The following PJA2 variants were observed in gnomAD, a reference collection of about 807,000 sequenced individuals.
PJA2 encodes praja ring finger ubiquitin ligase 2.
Under a neutral mutation model 69.3 loss-of-function variants are expected in PJA2, and 25 were observed. That is an observed-to-expected ratio of 0.36 (90% CI 0.26 to 0.50). PJA2 has a LOEUF of 0.50. PJA2 is among the 20% of genes least tolerant of loss of function. The pLI is 0.96. For missense variants in PJA2, 809 were observed against 830.2 expected (o/e 0.97, Z 0.31); for synonymous variants, 308 against 277.8 (o/e 1.11, Z -1.08).
chr5:109,406,755 T>C (rs1443560574), intron 1 of PJA2, among the ~76,000 whole-genome samples: 2 of 152,216 alleles, frequency 1.3e-5, no homozygotes, highest in East Asian at 1.9e-4. Flanking sequence ...ATGAAGGCTA[T>C]TTATTAATAA....
At chr5:109,362,666 G>A (rs1159328573) in intron 6 of PJA2, among the ~76,000 whole-genome samples, 174 bp downstream of exon 6, 1 of 152,210 alleles carries the variant, frequency 6.6e-6, no homozygotes, top group East Asian at 1.9e-4. Flanking sequence ...CTGACTGGAG[G>A]AAGTAGGAAA....
chr5:109,368,740 T>A lies in PJA2; in HGVS notation c.1290A>T (p.Glu430Asp). 6.2e-7 allele frequency: 1 copy of A among 1,611,084 alleles called. No individual in the cohort carries two copies. The highest frequency in any genetic ancestry group is 1.1e-5 in the South Asian group (1 of 90,560). ...QLYDKDEDSS[E>D]CSDGEWSASL... ...AAGCAGACCATTCCCCATCACTGCA[T>A]TCAGAACTGCAAATCAGAAGAGAAA... The change falls in exon 5 of 10, where the codon GAA becomes GAT. Residue 430 changes from glutamate to aspartate, a missense_variant. Physicochemically the swap from Glu to Asp is conservative, Grantham distance 45. Coordinates refer to ENST00000361189, the MANE Select transcript of PJA2 (RefSeq NM_014819.5).
At chr5:109,364,033 C>T (rs1049730814) in intron 5 of PJA2, among the ~76,000 whole-genome samples, 5 of 152,086 alleles carry the variant, frequency 3.3e-5, no homozygotes, top group African/African-American at 1.2e-4. Flanking sequence ...ATTCCATCTA[C>T]TCAGGAAGCT....
chr5:109,357,407 C>G (rs1762431398), intron 6 of PJA2, among the ~76,000 whole-genome samples: 1 of 152,148 alleles, frequency 6.6e-6, no homozygotes, highest in African/African-American at 2.4e-5. Flanking sequence ...TATAGTTTAG[C>G]AGTATCTGGA....
intron 1 of PJA2, among the ~76,000 whole-genome samples, chr5:109,389,512 T>G (rs1194741209): frequency 6.6e-6 from 1 of 152,030 alleles, no homozygotes; most frequent in Admixed American, 6.5e-5. Context: ...CTGTTACTAG[T>G]AATTTGTGTT....
intron 7 of PJA2, among the ~76,000 whole-genome samples, chr5:109,354,124 G>GAGATATCTATAGATTAGATATCTA (rs1561345782): frequency 1.5e-5 from 1 of 65,876 alleles, no homozygotes; most frequent in Non-Finnish European, 3.7e-5. Flanking sequence ...GATATCTATG[G>GAGATATCTATAGATTAGATATCTA]TATCTAGAGC....
At chr5:109,370,032 C>CAAAAA (rs1168528650) in intron 4 of PJA2, among the ~76,000 whole-genome samples, 1 of 49,066 alleles carries the variant, frequency 2.0e-5, no homozygotes. Flanking sequence ...AACTCCCTCT[C>CAAAAA]AAAAAAAAAA....
At chr5:109,370,547 A>T (rs1172901004) in intron 4 of PJA2, among the ~76,000 whole-genome samples, 1 of 152,212 alleles carries the variant, frequency 6.6e-6, no homozygotes, top group Non-Finnish European at 1.5e-5. Flanking sequence ...AACCCTAGGC[A>T]CAGCAACTAA....
chr5:109,345,913 C>CATCCTTTCT (rs1287505933), intron 7 of PJA2, among the ~76,000 whole-genome samples: 1 of 152,218 alleles, frequency 6.6e-6, no homozygotes, highest in Non-Finnish European at 1.5e-5. Flanking sequence ...GCGTCATCCT[C>CATCCTTTCT]ATCCTTTCTG....
intron 1 of PJA2, among the ~76,000 whole-genome samples, chr5:109,404,671 G>T (rs921386445): frequency 2.0e-5 from 3 of 152,124 alleles, no homozygotes; most frequent in African/African-American, 7.2e-5. Flanking sequence ...ACGGCATAAG[G>T]GGATAGGAGC....
chr5:109,393,130 A>G (rs747221797), intron 1 of PJA2, among the ~76,000 whole-genome samples: 82 of 152,306 alleles, frequency 5.4e-4, no homozygotes, highest in Middle Eastern at 6.8e-3. Flanking sequence ...GATATATAAC[A>G]TACTCCTAAA....
At chr5:109,379,577 G>T (rs940334655) in intron 3 of PJA2, among the ~76,000 whole-genome samples, 1 of 152,198 alleles carries the variant, frequency 6.6e-6, no homozygotes, top group Non-Finnish European at 1.5e-5. Context: ...GAAGCCTCTC[G>T]TAAGTGGAGT....
At chr5:109,354,606 T>TAG (rs1762378501) in intron 7 of PJA2, among the ~76,000 whole-genome samples, 1 of 143,488 alleles carries the variant, frequency 7.0e-6, no homozygotes, top group Non-Finnish European at 1.5e-5. Context: ...TACATATCGA[T>TAG]ATCTAATATC....
chr5:109,384,263 A>T (rs1220596575), intron 1 of PJA2, among the ~76,000 whole-genome samples: 5 of 152,210 alleles, frequency 3.3e-5, no homozygotes, highest in Non-Finnish European at 5.9e-5. Context: ...TTCATTTTTT[A>T]AAAATGTGTA....
intron 1 of PJA2, among the ~76,000 whole-genome samples, chr5:109,389,215 G>A (rs1747230237): frequency 6.6e-6 from 1 of 152,124 alleles, no homozygotes; most frequent in African/African-American, 2.4e-5. Flanking sequence ...AAGAGTCTGT[G>A]TAAACCCAGG....
At chr5:109,380,305 A>C (rs1463826189) in intron 3 of PJA2, among the ~76,000 whole-genome samples, 1 of 152,036 alleles carries the variant, frequency 6.6e-6, no homozygotes, top group Non-Finnish European at 1.5e-5. Flanking sequence ...ATAATCTAGA[A>C]ATGTCTTGTC....
intron 6 of PJA2, among the ~76,000 whole-genome samples, chr5:109,359,385 T>C (rs1342389113): frequency 5.3e-5 from 8 of 152,296 alleles, no homozygotes; most frequent in African/African-American, 1.7e-4. Flanking sequence ...CTAACCCGTG[T>C]TGTTCAAGAG....
chr5:109,385,526 GT>G (rs1208628081), intron 1 of PJA2, among the ~76,000 whole-genome samples: 2 of 152,326 alleles, frequency 1.3e-5, no homozygotes, highest in South Asian at 4.1e-4. Flanking sequence ...TTTTGGATGA[GT>G]TAAGTTTGAG....
Position 109,379,120 on chromosome 5 carries a change from G to A in PJA2, c.367C>T (p.His123Tyr), listed in dbSNP as rs1554054912. ...TESSQSFVAVHHSEEGRDTLG... is the reference protein window; with the variant it reads ...TESSQSFVAVYHSEEGRDTLG... ...GTATCCCTGCCTTCCTCACTGTGAT[G>A]TACTGCAACAAAGGATTGACTGCTC... is the stretch of plus-strand genomic sequence containing the variant. Residue 123 changes from histidine (H) to tyrosine (Y), a missense_variant, in exon 4 of 10, where the codon CAT (histidine) becomes TAT (tyrosine). Physicochemically the swap from His to Tyr is moderately conservative, Grantham distance 83 (BLOSUM62 2). Transcript: ENST00000361189. 3.1e-6 allele frequency: 5 copies of A among 1,614,082 alleles called. No homozygotes were observed. The highest frequency in any genetic ancestry group is 4.2e-6 in the Non-Finnish European group (5 of 1,180,014).
Sources: gnomAD v4.1 joint callset for allele counts (sites outside exome capture counted in the v4.1 genomes callset) on GRCh38, gnomAD v4.1.1 for gene constraint, MANE v1.5 for transcripts, NCBI Gene and HGNC (gene_info 2026-07-23, HGNC 2026-07-21) for gene names.